The following SHLD1 variants were observed in gnomAD, a reference collection of about 807,000 sequenced individuals.
The protein encoded by SHLD1 is RINN1-REV7-interacting novel NHEJ regulator 3.
A neutral mutation model predicts 5.5 loss-of-function variants in SHLD1; 3 were observed. The observed-to-expected ratio is 0.54, with a 90% CI of 0.25 to 1.40. The LOEUF is 1.40. Among genes scored for constraint, SHLD1 ranks in the 40% most tolerant of loss-of-function variants. The pLI is 0.15. For synonymous variants in SHLD1, 92 were observed against 94.3 expected, an observed-to-expected ratio of 0.98 and a Z score of 0.14; for missense variants, 210 against 244.4, an observed-to-expected ratio of 0.86 and a Z score of 0.94.
chr20:5,860,871 T>C (rs1456013509), intron 2 of SHLD1, among the ~76,000 whole-genome samples: 1 of 123,092 alleles, frequency 8.1e-6, no homozygotes, highest in Non-Finnish European at 1.6e-5. Flanking sequence ...TTCTTTACTA[T>C]TCTTTAAAAA....
chr20:5,803,805 G>A (rs1035081241), intron 2 of SHLD1, among the ~76,000 whole-genome samples: 1 of 151,652 alleles, frequency 6.6e-6, no homozygotes, highest in Non-Finnish European at 1.5e-5. Context: ...CTGGGAGGTG[G>A]AGGTTGCAGT....
At position 5,856,513 on chromosome 20, in the gene SHLD1, A is replaced by G. The variant is rs764263964; in HGVS notation, c.179-6511A>G. Among the ~76,000 whole-genome samples the G allele has an allele frequency of 3.9e-5, 6 of 152,180 alleles. 1 individual carries two copies. Among genetic ancestry groups the G allele is most frequent in the Admixed American group, 3.9e-4 (6 of 15,282 alleles). On this transcript the variant is annotated intron_variant, in intron 2 of 2. Coordinates refer to ENST00000303142, the MANE Select transcript of SHLD1 (RefSeq NM_152504.4). Reference sequence around the variant, plus strand: ...AGGAGAAAAAAGTGAGGCGTGGAGCAGGAAGATGCAGACTAGCCCAGATCC... The same window carrying G: ...AGGAGAAAAAAGTGAGGCGTGGAGCGGGAAGATGCAGACTAGCCCAGATCC...
chr20:5,780,707 A>G (rs1039725443), intron 2 of SHLD1, among the ~76,000 whole-genome samples: 1 of 152,162 alleles, frequency 6.6e-6, no homozygotes, highest in African/African-American at 2.4e-5. Flanking sequence ...TGCTTTTCCC[A>G]GCCAGGCTTT....
At chr20:5,839,248 G>T (rs1017454377) in intron 2 of SHLD1, among the ~76,000 whole-genome samples, 3 of 152,142 alleles carry the variant, frequency 2.0e-5, no homozygotes, top group Non-Finnish European at 2.9e-5. Flanking sequence ...CCCCTAGAAG[G>T]ATTTCTGCTC....
intron 2 of SHLD1, among the ~76,000 whole-genome samples, chr20:5,776,728 A>G (rs151015285): frequency 6.6e-6 from 1 of 152,086 alleles, no homozygotes; most frequent in East Asian, 1.9e-4. Flanking sequence ...GCACCATTGC[A>G]CTCCAGCCCC....
chr20:5,841,097 A>G (rs1189189651), intron 2 of SHLD1, among the ~76,000 whole-genome samples: 2 of 152,130 alleles, frequency 1.3e-5, no homozygotes, highest in Non-Finnish European at 2.9e-5. Flanking sequence ...GTGGTTACCA[A>G]TTAGAACCAT....
At chr20:5,803,888 TAA>T (rs747359736) in intron 2 of SHLD1, among the ~76,000 whole-genome samples, 5 of 127,984 alleles carry the variant, frequency 3.9e-5, no homozygotes, top group African/African-American at 6.0e-5. Context: ...TAAAAAAGAT[TAA>T]AAAAAAAAAA....
At chr20:5,810,698 C>T (rs2087446892) in intron 2 of SHLD1, among the ~76,000 whole-genome samples, 1 of 151,986 alleles carries the variant, frequency 6.6e-6, no homozygotes, top group South Asian at 2.1e-4. Flanking sequence ...GTTTTGAGAC[C>T]AGACTGGCCA....
intron 2 of SHLD1, among the ~76,000 whole-genome samples, chr20:5,825,654 G>A (rs1001196522): frequency 2.0e-5 from 3 of 152,178 alleles, no homozygotes; most frequent in Non-Finnish European, 4.4e-5. Flanking sequence ...GTGGGAGGCT[G>A]GGCTTAAGCC....
intron 2 of SHLD1, among the ~76,000 whole-genome samples, chr20:5,811,101 G>C (rs73073219): frequency 0.016 from 2,426 of 152,164 alleles, 23 homozygotes; most frequent in African/African-American, 0.029. Context: ...TTACTGAGGG[G>C]TGATCGATGC....
At chr20:5,854,568 T>C (rs1174873857) in intron 2 of SHLD1, among the ~76,000 whole-genome samples, 2 of 152,160 alleles carry the variant, frequency 1.3e-5, no homozygotes, top group Non-Finnish European at 2.9e-5. Context: ...TGAGTGGGAC[T>C]TTAGATATTA....
rs1475797744 is a variant in SHLD1 at position 5,863,202 on chromosome 20, A to G, written c.357A>G (p.Ala119=). 5.0e-6 allele frequency: 8 copies of G among 1,614,042 alleles called. No individual in the cohort carries two copies. Among genetic ancestry groups the G allele is most frequent in the Admixed American group, 3.3e-5 (2 of 59,998 alleles). Residue 119 remains alanine, a synonymous_variant, in exon 3 of 3, where the codon GCA becomes GCG. Coordinates refer to ENST00000303142, the MANE Select transcript of SHLD1 (RefSeq NM_152504.4). ...CAGGCTCTGCAAACTCACTCTCTGC[A>G]TCTGTCTGCAAGTGCCTGTCTCAGA... ...PQPGSANSLS[A]SVCKCLSQKI...
chr20:5,785,121 G>A (rs752471970), intron 2 of SHLD1, among the ~76,000 whole-genome samples: 201 of 152,264 alleles, frequency 1.3e-3, no homozygotes, highest in Non-Finnish European at 2.3e-3. Context: ...CCCAAAGACC[G>A]TAGGCCATAA....
intron 2 of SHLD1, among the ~76,000 whole-genome samples, chr20:5,802,517 G>C (rs73894052): frequency 0.05 from 7,649 of 152,274 alleles, 263 homozygotes; most frequent in African/African-American, 0.091. Flanking sequence ...TTACAAAGTG[G>C]TTAGAGCAGT....
chr20:5,750,368 T>G (rs761110826), upstream of SHLD1: 1 of 151,848 alleles, frequency 6.6e-6, no homozygotes, highest in Non-Finnish European at 1.5e-5. Context: ...AACCTCACAT[T>G]TCCCATAAAA....
intron 2 of SHLD1, among the ~76,000 whole-genome samples, chr20:5,844,799 A>ATATAT (rs1460082835): frequency 2.2e-4 from 16 of 71,718 alleles, no homozygotes; most frequent in Non-Finnish European, 3.4e-4. Flanking sequence ...ATATATATAT[A>ATATAT]TTTTTTTTTT....
At chr20:5,809,932 T>C (rs1246253365) in intron 2 of SHLD1, among the ~76,000 whole-genome samples, 1 of 152,000 alleles carries the variant, frequency 6.6e-6, no homozygotes, top group Non-Finnish European at 1.5e-5. Context: ...TTCTGGCATA[T>C]CTAGTTTATC....
chr20:5,776,524 A>T (rs915807457), intron 2 of SHLD1, among the ~76,000 whole-genome samples: 1 of 151,986 alleles, frequency 6.6e-6, no homozygotes, highest in Non-Finnish European at 1.5e-5. Context: ...GCACTTTGGG[A>T]GGCCGAGGCG....
At chr20:5,829,940 T>C (rs2087708666) in intron 2 of SHLD1, among the ~76,000 whole-genome samples, 3 of 151,920 alleles carry the variant, frequency 2.0e-5, no homozygotes, top group African/African-American at 7.3e-5. Flanking sequence ...TGCAATAGAA[T>C]GGTTTGGGAG....
Sources: allele counts gnomAD v4.1 joint callset (sites outside exome capture counted in the v4.1 genomes callset), GRCh38; gene constraint gnomAD v4.1.1; transcripts MANE v1.5; gene names NCBI Gene and HGNC (gene_info 2026-07-23, HGNC 2026-07-21).